The following KCNIP4 variants were observed in gnomAD, a reference collection of about 807,000 sequenced individuals.
KCNIP4 encodes the protein potassium voltage-gated channel interacting protein 4.
In KCNIP4, 12 loss-of-function variants were observed where a neutral mutation model predicts 34.0. The ratio of observed to expected loss-of-function variants is 0.35; its 90% CI spans 0.23 to 0.57. The LOEUF (loss-of-function observed/expected upper bound fraction) is 0.57, where lower values mean the gene tolerates loss of function less well. KCNIP4 is among the 20% of genes least tolerant of loss of function. The pLI is 0.83. For synonymous variants in KCNIP4, 124 were observed against 102.2 expected (o/e 1.21, Z -1.29); for missense variants, 238 against 311.7 (o/e 0.76, Z 1.78).
chr4:21,341,021 G>T (rs1716710991), intron 1 of KCNIP4, among the ~76,000 whole-genome samples: 1 of 152,080 alleles, frequency 6.6e-6, no homozygotes, highest in Non-Finnish European at 1.5e-5. Context: ...ATGAAAGTGG[G>T]CCCTAATTTC....
At chr4:21,228,648 T>G (rs1365717144) in intron 1 of KCNIP4, among the ~76,000 whole-genome samples, 2 of 152,188 alleles carry the variant, frequency 1.3e-5, no homozygotes, top group Non-Finnish European at 2.9e-5. Context: ...TTTAGTTCTC[T>G]TCTTCCTTCA....
intron 1 of KCNIP4, among the ~76,000 whole-genome samples, chr4:21,488,267 A>C (rs1465244315): frequency 6.6e-6 from 1 of 152,118 alleles, no homozygotes; most frequent in Non-Finnish European, 1.5e-5. Flanking sequence ...CTCCCACTCC[A>C]ACTGTGAGAA....
intron 1 of KCNIP4, among the ~76,000 whole-genome samples, chr4:20,908,893 G>T (rs1219142332): frequency 6.6e-6 from 1 of 152,190 alleles, no homozygotes; most frequent in Admixed American, 6.5e-5. Context: ...TTTACTCAGT[G>T]CTCATTGTTT....
chr4:21,444,838 C>T (rs1727831492), intron 1 of KCNIP4, among the ~76,000 whole-genome samples: 1 of 152,158 alleles, frequency 6.6e-6, no homozygotes, highest in Admixed American at 6.5e-5. Context: ...GTCAACTTGT[C>T]CCTGTTTGCA....
chr4:21,148,966 A>G (rs1752580161), intron 1 of KCNIP4, among the ~76,000 whole-genome samples: 1 of 152,348 alleles, frequency 6.6e-6, no homozygotes, highest in East Asian at 1.9e-4. Flanking sequence ...TAAAAGATAA[A>G]TTGCTAGCTT....
intron 1 of KCNIP4, among the ~76,000 whole-genome samples, chr4:21,483,990 A>G (rs1189357598): frequency 7.1e-6 from 1 of 140,826 alleles, no homozygotes; most frequent in Non-Finnish European, 1.5e-5. Flanking sequence ...CTGCAGAACC[A>G]TGAGCCAATT....
At chr4:21,474,715 G>A (rs915825035) in intron 1 of KCNIP4, among the ~76,000 whole-genome samples, 8 of 151,968 alleles carry the variant, frequency 5.3e-5, no homozygotes, top group African/African-American at 1.2e-4. Context: ...AATTAAAATC[G>A]GCCAGGCGCG....
chr4:20,942,239 A>C (rs1731712644), intron 1 of KCNIP4, among the ~76,000 whole-genome samples: 1 of 152,184 alleles, frequency 6.6e-6, no homozygotes, highest in South Asian at 2.1e-4. Flanking sequence ...GAGAAGAATT[A>C]CATGGTGAGC....
chr4:21,542,936 T>C (rs1221617198), intron 1 of KCNIP4, among the ~76,000 whole-genome samples: 1 of 151,906 alleles, frequency 6.6e-6, no homozygotes, highest in African/African-American at 2.4e-5. Flanking sequence ...AAAATGAGAC[T>C]ATCAGAAGTA....
chr4:20,862,765 A>G (rs1463584843), intron 2 of KCNIP4, among the ~76,000 whole-genome samples: 1 of 152,184 alleles, frequency 6.6e-6, no homozygotes, highest in Non-Finnish European at 1.5e-5. Flanking sequence ...TGGTACATAT[A>G]CACCACGGAA....
chr4:21,602,088 G>T (rs539144862), intron 1 of KCNIP4, among the ~76,000 whole-genome samples: 4 of 152,128 alleles, frequency 2.6e-5, no homozygotes, highest in Non-Finnish European at 5.9e-5. Flanking sequence ...CTTTGCTTAT[G>T]TTGTTCCTTC....
At chr4:21,220,797 G>A (rs1757932525) in intron 1 of KCNIP4, among the ~76,000 whole-genome samples, 1 of 151,934 alleles carries the variant, frequency 6.6e-6, no homozygotes, top group Admixed American at 6.6e-5. Flanking sequence ...GTTTAGAAAT[G>A]TCTTTAAACT....
chr4:20,990,955 G>A (rs970307796), intron 1 of KCNIP4, among the ~76,000 whole-genome samples: 5 of 152,168 alleles, frequency 3.3e-5, no homozygotes, highest in African/African-American at 4.8e-5. Context: ...GACACACAGT[G>A]TGCTGTGTGC....
intron 1 of KCNIP4, among the ~76,000 whole-genome samples, chr4:21,654,767 A>G (rs1034668811): frequency 7.2e-5 from 11 of 152,046 alleles, no homozygotes; most frequent in Admixed American, 1.3e-4. Flanking sequence ...ACTAAAAAAT[A>G]CAAAAAATTA....
intron 1 of KCNIP4, among the ~76,000 whole-genome samples, chr4:21,904,443 T>A: frequency 6.6e-6 from 1 of 152,186 alleles, no homozygotes. Context: ...TAGCAGACAT[T>A]AGCTGTTCCA....
intron 1 of KCNIP4, among the ~76,000 whole-genome samples, chr4:21,585,337 C>T (rs1314420493): frequency 6.6e-6 from 1 of 152,018 alleles, no homozygotes; most frequent in Admixed American, 6.6e-5. Context: ...ACTTACTATG[C>T]TTCACTGAAT....
intron 3 of KCNIP4, among the ~76,000 whole-genome samples, chr4:20,790,441 A>G (rs1342784330): frequency 6.6e-6 from 1 of 152,200 alleles, no homozygotes; most frequent in East Asian, 1.9e-4. Flanking sequence ...AACTTTACAA[A>G]CATTTTAATT....
rs183450592 is a variant in KCNIP4, at chr4:21,533,282, T to C, written c.61+415289A>G. Among the ~76,000 whole-genome samples, 168 of 152,238 alleles carry C rather than the reference T, an allele frequency of 1.1e-3. 3 individuals carry two copies. Among genetic ancestry groups the C allele is most frequent in the African/African-American group, 3.8e-3 (159 of 41,530 alleles). On this transcript the variant is annotated intron_variant, in intron 1 of 8. Transcript: ENST00000382152. Reference sequence around the variant, plus strand: ...TAAATTTTATTGTATGTATTTCAGGTATACAACACGATGCTATTCCTGCTC... The same window carrying C: ...TAAATTTTATTGTATGTATTTCAGGCATACAACACGATGCTATTCCTGCTC...
chr4:21,110,767 A>G (rs940959198), intron 1 of KCNIP4, among the ~76,000 whole-genome samples: 4 of 152,186 alleles, frequency 2.6e-5, no homozygotes, highest in African/African-American at 9.7e-5. Context: ...CCATGTGAGG[A>G]CACAACAAAA....
Sources: gnomAD v4.1 joint callset for allele counts (sites outside exome capture counted in the v4.1 genomes callset) on GRCh38, gnomAD v4.1.1 for gene constraint, MANE v1.5 for transcripts, NCBI Gene and HGNC (gene_info 2026-07-23, HGNC 2026-07-21) for gene names.